RGS7: variants seen among roughly 807,000 people sequenced by gnomAD.
RGS7 encodes regulator of G-protein signaling 7.
RGS7 carries 27 observed loss-of-function variants against 81.1 expected under a neutral mutation model. The ratio of observed to expected loss-of-function variants is 0.33; its 90% CI spans 0.25 to 0.46. The LOEUF is 0.46. Among genes scored for constraint, RGS7 ranks in the 20% least tolerant of loss-of-function variants. The probability of loss-of-function intolerance (pLI) is 1.00; values close to 1 mark genes in which losing one functional copy is unlikely to be tolerated. For missense variants in RGS7, 396 were observed against 607.4 expected (o/e 0.65, Z 3.66); for synonymous variants, 208 against 207.7 (o/e 1.00, Z -0.01).
intron 4 of RGS7, among the ~76,000 whole-genome samples, chr1:240,947,720 T>G (rs1480471427): frequency 2.0e-5 from 3 of 152,218 alleles, no homozygotes; most frequent in Non-Finnish European, 4.4e-5. Flanking sequence ...GCTATGATGA[T>G]TATCTTAAAA....
intron 15 of RGS7, among the ~76,000 whole-genome samples, chr1:240,805,464 T>G (rs1222972189): frequency 4.6e-5 from 7 of 152,188 alleles, no homozygotes; most frequent in African/African-American, 1.7e-4. Context: ...AGTTTCAACA[T>G]TTTTTGAGAG....
intron 2 of RGS7, among the ~76,000 whole-genome samples, chr1:241,296,970 T>C (rs1027442213): frequency 1.3e-5 from 2 of 152,138 alleles, no homozygotes; most frequent in African/African-American, 4.8e-5. Context: ...GCAGCTCCTT[T>C]ATCAAACTGA....
intron 4 of RGS7, among the ~76,000 whole-genome samples, chr1:240,969,977 CTT>C (rs1682942757): frequency 6.6e-6 from 1 of 152,198 alleles, no homozygotes; most frequent in African/African-American, 2.4e-5. Context: ...TTCAAATTTT[CTT>C]TCTTTTCTCT....
chr1:241,039,640 A>AC (rs1421618681), intron 3 of RGS7, among the ~76,000 whole-genome samples: 2 of 152,072 alleles, frequency 1.3e-5, no homozygotes, highest in African/African-American at 2.4e-5. Flanking sequence ...GTGATGTACA[A>AC]CCGAGTTTCA....
rs185713995 is a variant in RGS7 at position 240,856,463 on chromosome 1, C to T, written c.609+12124G>A. Among the ~76,000 whole-genome samples, 271 of 152,248 alleles carry T rather than the reference C, an allele frequency of 1.8e-3. 3 individuals carry two copies. Among genetic ancestry groups the T allele is most frequent in the East Asian group, 1.2e-3 (6 of 5,180 alleles). Reference sequence around the variant, plus strand: ...TGAAAGACATACTAAATGAATGAATCAACTGTGTAATGCACAGATTTTTTT... The same window carrying T: ...TGAAAGACATACTAAATGAATGAATTAACTGTGTAATGCACAGATTTTTTT... On this transcript the variant is annotated intron_variant, in intron 9 of 18. Coordinates refer to ENST00000440928, the MANE Select transcript of RGS7 (RefSeq NM_001364886.1).
intron 2 of RGS7, among the ~76,000 whole-genome samples, chr1:241,340,360 G>A (rs2082472174): frequency 6.6e-6 from 1 of 152,054 alleles, no homozygotes; most frequent in African/African-American, 2.4e-5. Context: ...AGTCACTAAT[G>A]CTGTCCAAAC....
At chr1:241,276,556 C>T (rs567326728) in intron 2 of RGS7, among the ~76,000 whole-genome samples, 2 of 152,168 alleles carry the variant, frequency 1.3e-5, no homozygotes, top group African/African-American at 2.4e-5. Context: ...CAATCTGCTA[C>T]GATTTGCATA....
chr1:241,091,749 T>A (rs1406986164), intron 3 of RGS7, among the ~76,000 whole-genome samples: 4 of 151,874 alleles, frequency 2.6e-5, no homozygotes, highest in Non-Finnish European at 5.9e-5. Flanking sequence ...TAGCCAGATG[T>A]GTTGGTGCAT....
intron 10 of RGS7, among the ~76,000 whole-genome samples, chr1:240,826,742 A>C (rs914237246): frequency 6.6e-6 from 1 of 151,794 alleles, no homozygotes; most frequent in Non-Finnish European, 1.5e-5. Flanking sequence ...TTGTATCACA[A>C]AATTCTAGTG....
chr1:241,216,133 G>A (rs756317781), intron 2 of RGS7, among the ~76,000 whole-genome samples: 3 of 152,102 alleles, frequency 2.0e-5, no homozygotes, highest in South Asian at 2.1e-4. Flanking sequence ...GTAGCCGGGC[G>A]TGGTGGCATG....
chr1:240,872,307 G>T (rs192604745), intron 6 of RGS7, among the ~76,000 whole-genome samples: 1 of 152,212 alleles, frequency 6.6e-6, no homozygotes, highest in Admixed American at 6.5e-5. Flanking sequence ...AAGAAAGACA[G>T]GAAGCAGGGC....
At chr1:241,111,601 C>T (rs893758302) in intron 2 of RGS7, among the ~76,000 whole-genome samples, 2 of 150,194 alleles carry the variant, frequency 1.3e-5, no homozygotes, top group African/African-American at 5.0e-5. Flanking sequence ...CATAGCAAGA[C>T]CCCCCCTCTC....
chr1:241,078,483 T>TTC (rs1553411207), intron 3 of RGS7, among the ~76,000 whole-genome samples: 1 of 75,848 alleles, frequency 1.3e-5, no homozygotes, highest in African/African-American at 1.0e-4. Flanking sequence ...CACACGTAAG[T>TTC]TATGTGTGTG....
At position 240,834,916 on chromosome 1, in the gene RGS7, CCACACACACACACACA is replaced by C. The variant is rs67071227; in HGVS notation, c.610-7760_610-7745del. Among the ~76,000 whole-genome samples the C allele has an allele frequency of 7.4e-3, 1,077 of 144,616 alleles. 16 individuals are homozygous for C. Among genetic ancestry groups the C allele is most frequent in the African/African-American group, 0.026 (1,024 of 39,456 alleles). The allele number at this position is 144,616 out of a possible 152,430, so 94.9% of individuals were successfully genotyped here. A position where few individuals can be genotyped will look rare whatever the true frequency, so the allele number is the denominator to read the frequency against. ...TCAAAACTCATTCAGACCTTACACT[CCACACACACACACACA>C]CACACACACACACACACACACACAA... On this transcript the variant is annotated intron_variant, in intron 9 of 18. Coordinates refer to ENST00000440928, the MANE Select transcript of RGS7 (RefSeq NM_001364886.1).
chr1:240,859,440 G>GTTTTTTTTTTTTTTTTTTTTTTTTTTCCT (rs5782167), intron 9 of RGS7, among the ~76,000 whole-genome samples: 4 of 110,828 alleles, frequency 3.6e-5, no homozygotes, highest in Admixed American at 9.9e-5. Context: ...TTTCTTTCCT[G>GTTTTTTTTTTTTTTTTTTTTTTTTTTCCT]TTTTTTTTTT....
intron 2 of RGS7, among the ~76,000 whole-genome samples, chr1:241,172,420 G>A (rs564323566): frequency 8.5e-5 from 13 of 152,164 alleles, no homozygotes; most frequent in Non-Finnish European, 1.8e-4. Flanking sequence ...AAAAAAATAA[G>A]AGCATCTTAA....
At chr1:241,347,638 T>G (rs2082983448) in intron 2 of RGS7, among the ~76,000 whole-genome samples, 1 of 152,148 alleles carries the variant, frequency 6.6e-6, no homozygotes, top group African/African-American at 2.4e-5. Flanking sequence ...TGAAATACTT[T>G]CAACATCAGC....
At chr1:240,823,728 T>C (rs909060062) in intron 10 of RGS7, among the ~76,000 whole-genome samples, 4 of 152,014 alleles carry the variant, frequency 2.6e-5, no homozygotes, top group African/African-American at 9.7e-5. Flanking sequence ...CCTGGTGGCC[T>C]CCCCCATGAG....
At chr1:240,888,949 T>C (rs1044907178) in intron 6 of RGS7, among the ~76,000 whole-genome samples, 5 of 152,014 alleles carry the variant, frequency 3.3e-5, no homozygotes, top group Non-Finnish European at 7.4e-5. Flanking sequence ...AAGAAAGAGG[T>C]AACATTTGTT....
Sources: allele counts gnomAD v4.1 joint callset (sites outside exome capture counted in the v4.1 genomes callset), GRCh38; gene constraint gnomAD v4.1.1; transcripts MANE v1.5; gene names NCBI Gene and HGNC (gene_info 2026-07-23, HGNC 2026-07-21).